NEK9: variants seen among roughly 807,000 people sequenced by gnomAD.
The protein encoded by NEK9 is serine/threonine-protein kinase Nek9.
NEK9 carries 75 observed loss-of-function variants against 123.4 expected under a neutral mutation model. That is an observed-to-expected ratio of 0.61 (90% CI 0.50 to 0.74). The LOEUF (loss-of-function observed/expected upper bound fraction) is 0.74. Ranked by LOEUF, NEK9 falls within the 30% of genes least tolerant of loss-of-function variation. The pLI is 0.00. For synonymous variants in NEK9, 438 were observed against 458.7 expected (o/e 0.95, Z 0.58); for missense variants, 952 against 1,214.4 (o/e 0.78, Z 3.21).
At chr14:75,106,387 A>ATT in intron 12 of NEK9, 115 bp downstream of exon 12, 10 of 600,716 alleles carry the variant, frequency 1.7e-5, no homozygotes, top group Non-Finnish European at 2.6e-5. Context: ...AAAAAAAAAG[A>ATT]TTTACTGAAT....
rs568769359 is a variant in NEK9 at position 75,126,385 on chromosome 14, T to C, written c.219+318A>G. ...TTAATTTACAGAACAGAGCCTTCGT[T>C]TGATTCTCAAGATAATCTTAAAAAA... On this transcript the variant is annotated intron_variant, in intron 1 of 21. Transcript: ENST00000238616. 2.1e-4 allele frequency among the ~76,000 whole-genome samples: 32 copies of C among 152,312 alleles called. No individual in the cohort carries two copies. In the East Asian group the frequency reaches 6.0e-3, roughly 28 times the overall value.
Position 75,084,621 on chromosome 14 carries a change from G to T in NEK9, c.2883C>A (p.Asp961Glu). 6.2e-7 allele frequency: 1 copy of T among 1,614,202 alleles called. No homozygotes were observed. Among genetic ancestry groups the T allele is most frequent in the Non-Finnish European group, 8.5e-7 (1 of 1,180,028 alleles). Residue 961 changes from aspartate (D) to glutamate (E), a missense_variant, in exon 22 of 22, where the codon GAC becomes GAA. By Grantham distance (45) the Asp-to-Glu change is conservative. Transcript: ENST00000238616. ...KEEMEMDPKP[D>E]LDSDSWCLLG... ...GGAGGCACCAGGAATCTGAATCTAA[G>T]TCAGGCTTTGGATCCATTTCCATCT...
intron 15 of NEK9, 65 bp from the exon 16 acceptor site, chr14:75,101,218 C>A: frequency 6.7e-7 from 1 of 1,501,360 alleles, no homozygotes; most frequent in Non-Finnish European, 9.0e-7. Context: ...GAAGATGCAG[C>A]CAAGCAGACT....
chr14:75,103,162 T>G (rs2139757420), intron 14 of NEK9, among the ~76,000 whole-genome samples: 1 of 151,354 alleles, frequency 6.6e-6, no homozygotes, highest in Non-Finnish European at 1.5e-5. Flanking sequence ...CTGCACGTTG[T>G]GCACATGTAC....
chr14:75,124,162 C>G lies in NEK9; in HGVS notation c.281G>C (p.Arg94Pro). 6.2e-7 allele frequency: 1 copy of G among 1,614,098 alleles called. No homozygotes were observed. ...AATAACAATCTCATTCAAGGCATCACGACGTTCCTTCTCAGACAGCCGGGT... is the reference window on the plus strand; with the variant it reads ...AATAACAATCTCATTCAAGGCATCAGGACGTTCCTTCTCAGACAGCCGGGT... Reference protein sequence around the residue: ...DLTRLSEKERRDALNEIVILA... With the variant: ...DLTRLSEKERPDALNEIVILA... The change falls in exon 2 of 22, where the codon CGT (arginine) becomes CCT (proline). Residue 94 changes from arginine (R) to proline (P), a missense_variant. Transcript: ENST00000238616.
In NEK9 at chr14:75,084,597, G is replaced by A. The variant is rs761051018; in HGVS notation, c.2907C>T (p.Leu969=). 12 of 1,614,186 alleles carry A rather than the reference G, an allele frequency of 7.4e-6. No individual in the cohort carries two copies. Among genetic ancestry groups the A allele is most frequent in the Non-Finnish European group, 1.0e-5 (12 of 1,180,028 alleles). ...TGGGTCTACAGGAGTCTGTTCCCAG[G>A]AGGCACCAGGAATCTGAATCTAAGT... ...KPDLDSDSWC[L]LGTDSCRPSL The change falls in exon 22 of 22, where the codon CTC becomes CTT. Residue 969 remains leucine (L), a synonymous_variant. Coordinates refer to ENST00000238616, the MANE Select transcript of NEK9 (RefSeq NM_033116.6).
At chr14:75,085,684 A>AC (rs1893998651) in intron 21 of NEK9, among the ~76,000 whole-genome samples, 2 of 152,222 alleles carry the variant, frequency 1.3e-5, no homozygotes, top group Admixed American at 1.3e-4. Flanking sequence ...ATTCTGTTGA[A>AC]CAACTGCCCT....
chr14:75,123,806 G>C (rs2139812993), intron 2 of NEK9, among the ~76,000 whole-genome samples: 1 of 152,270 alleles, frequency 6.6e-6, no homozygotes, highest in East Asian at 1.9e-4. Flanking sequence ...CCAAAGAAAA[G>C]ATAGTTTGAA....
In NEK9 at chr14:75,106,525, T is replaced by C. The variant is rs534245464; in HGVS notation, c.1505A>G (p.Tyr502Cys). 2.5e-5 allele frequency: 40 copies of C among 1,614,030 alleles called. 3 individuals carry two copies. The Middle Eastern group carries it at 2.3e-3, about 93-fold the overall frequency. ...ACCATATTCGCCACAGCCCCAAGAA[T>C]AGACTTCCTTGTTTCGTGTCAGAAC... is the stretch of plus-strand genomic sequence containing the variant. Reference protein sequence around the residue: ...VVVLTRNKEVYSWGCGEYGRL... With the variant: ...VVVLTRNKEVCSWGCGEYGRL... Residue 502 changes from tyrosine to cysteine, a missense_variant, in exon 12 of 22, where the codon TAT becomes TGT. Transcript: ENST00000238616.
intron 2 of NEK9, 84 bp downstream of exon 2, chr14:75,123,962 T>A: frequency 8.4e-7 from 1 of 1,183,636 alleles, no homozygotes. Context: ...TCACTGTATA[T>A]GTCTCTTCTT....
At chr14:75,116,523 T>C (rs1895147084) in intron 6 of NEK9, 1 of 358,120 alleles carries the variant, frequency 2.8e-6, no homozygotes, top group Non-Finnish European at 5.8e-6. Flanking sequence ...AGTAGCTGCA[T>C]GATCATCTGG....
chr14:75,089,469 T>C (rs1319215392), intron 19 of NEK9, among the ~76,000 whole-genome samples: 1 of 152,144 alleles, frequency 6.6e-6, no homozygotes, highest in African/African-American at 2.4e-5. Flanking sequence ...CCTCAAGTGA[T>C]CTGCCCGCCT....
At chr14:75,115,091 A>G (rs543558142) in intron 6 of NEK9, among the ~76,000 whole-genome samples, 167 of 112,892 alleles carry the variant, frequency 1.5e-3, no homozygotes, top group African/African-American at 5.0e-3. Context: ...ACGTGTGTGT[A>G]CATATATGCA....
At chr14:75,085,065 G>GCACAAACA in intron 21 of NEK9, 2 of 207,912 alleles carry the variant, frequency 9.6e-6, no homozygotes, top group Non-Finnish European at 2.0e-5. Flanking sequence ...AAGTGCAGTG[G>GCACAAACA]TGTGATCACG....
chr14:75,103,445 A>G (rs1323842250), intron 14 of NEK9, among the ~76,000 whole-genome samples: 1 of 152,172 alleles, frequency 6.6e-6, no homozygotes. Flanking sequence ...CTTTGTAATC[A>G]ATTTATTTGT....
Position 75,118,936 on chromosome 14 carries a change from C to A in NEK9, c.525-1G>T. ...AAAAATATTTAATGTCTTTATATCT[C>A]TGAAAAAAAAAGATGCTGCAAATTA... On this transcript the variant is annotated splice_acceptor_variant, in intron 4 of 21. Transcript: ENST00000238616. LOFTEE classifies it high-confidence loss of function. 1 of 1,450,866 alleles carries A rather than the reference C, an allele frequency of 6.9e-7. No individual in the cohort carries two copies. Among genetic ancestry groups the A allele is most frequent in the African/African-American group, 1.4e-5 (1 of 71,516 alleles). The allele number at this position is 1,450,866 out of a possible 1,614,324, so 89.9% of individuals were successfully genotyped here. A position where few individuals can be genotyped will look rare whatever the true frequency, so the allele number is the denominator to read the frequency against.
chr14:75,086,703 C>G, intron 21 of NEK9: 1 of 273,600 alleles, frequency 3.7e-6, no homozygotes, highest in Non-Finnish European at 7.3e-6. Context: ...GTCAAGTGAT[C>G]GAGACCATCC....
rs1894414567 is a variant in NEK9 at position 75,097,170 on chromosome 14, C to T, written c.2103G>A (p.Arg701=). Reference sequence around the variant, plus strand: ...CATGATGCAGAGATCCAAAAATAGGCCGAGGCCATGAGGTACAGATATCAG... The same window carrying T: ...CATGATGCAGAGATCCAAAAATAGGTCGAGGCCATGAGGTACAGATATCAG... The part of the protein sequence containing the change: ...HGSDICTSWP[R]PIFGSLHHVP... Residue 701 remains arginine, a synonymous_variant, in exon 17 of 22, where the codon CGG becomes CGA. Coordinates refer to ENST00000238616, the MANE Select transcript of NEK9 (RefSeq NM_033116.6). 30 of 1,613,640 alleles carry T rather than the reference C, an allele frequency of 1.9e-5. No individual in the cohort carries two copies. The highest frequency in any genetic ancestry group is 2.5e-5 in the Non-Finnish European group (29 of 1,179,818).
intron 13 of NEK9, among the ~76,000 whole-genome samples, chr14:75,105,672 CTT>C (rs1231354998): frequency 1.3e-5 from 2 of 152,182 alleles, no homozygotes; most frequent in African/African-American, 2.4e-5. Context: ...CTATATGTGA[CTT>C]TTCTGCTGTA....
Sources: gnomAD v4.1 joint callset for allele counts (sites outside exome capture counted in the v4.1 genomes callset) on GRCh38, gnomAD v4.1.1 for gene constraint, MANE v1.5 for transcripts, NCBI Gene and HGNC (gene_info 2026-07-23, HGNC 2026-07-21) for gene names.